Variants in GOSR1 observed in about 807,000 individuals in gnomAD.
GOSR1 encodes 28 kDa Golgi SNARE protein.
GOSR1 carries 21 observed loss-of-function variants against 35.5 expected under a neutral mutation model. That is an observed-to-expected ratio of 0.59 (90% CI 0.42 to 0.85). The LOEUF (loss-of-function observed/expected upper bound fraction) is 0.85, where lower values mean the gene tolerates loss of function less well. GOSR1 is among the 40% of genes least tolerant of loss of function. The pLI is 0.00. For missense variants in GOSR1, 285 were observed against 309.6 expected (o/e 0.92, Z 0.60); for synonymous variants, 94 against 106.6 (o/e 0.88, Z 0.73).
At position 30,490,052 on chromosome 17, in the gene GOSR1, C is replaced by T. The variant is rs1266749420; in HGVS notation, c.343-74C>T. On this transcript the variant is annotated intron_variant, in intron 4 of 8. Coordinates refer to ENST00000451249, the MANE Select transcript of GOSR1 (RefSeq NM_001007025.2). ...TCTTGACAAATTTACAGTGTGATGA[C>T]GATACATAACTGGTTCAGTGAGATG... 8.0e-5 allele frequency: 56 copies of T among 699,332 alleles called. 2 individuals carry two copies. Among genetic ancestry groups the T allele is most frequent in the Non-Finnish European group, 1.2e-4 (44 of 381,726 alleles). The allele number at this position is 699,332 out of a possible 1,614,324, so 43.3% of individuals were successfully genotyped here.
chr17:30,484,297 C>A lies in GOSR1; in HGVS notation c.230C>A (p.Ala77Glu). The change falls in exon 3 of 9, where the codon GCA becomes GAA. Residue 77 changes from alanine to glutamate, a missense_variant. By Grantham distance (107) the Ala-to-Glu change is moderately radical. This residue lies in a region of GOSR1 where 108 missense variants were observed against 98.9 expected (regional missense o/e 1.09). Coordinates refer to ENST00000451249, the MANE Select transcript of GOSR1 (RefSeq NM_001007025.2). ...TMAIEIEQLL[A>E]RLTGVNDKMA... ...GCGATTGAGATTGAACAACTTTTGG[C>A]AAGGGTAAGTGCTTTCTGTTAAATG... 6.3e-7 allele frequency: 1 copy of A among 1,587,496 alleles called. No individual in the cohort carries two copies. The highest frequency in any genetic ancestry group is 8.7e-7 in the Non-Finnish European group (1 of 1,155,798).
chr17:30,520,117 G>A, intron 8 of GOSR1, 96 bp downstream of exon 8: 1 of 753,742 alleles, frequency 1.3e-6, no homozygotes, highest in Non-Finnish European at 2.4e-6. Flanking sequence ...ATCATCAGTA[G>A]CAGTAGAGCC....
At chr17:30,489,877 A>G (rs1282972597) in intron 4 of GOSR1, among the ~76,000 whole-genome samples, 1 of 152,176 alleles carries the variant, frequency 6.6e-6, no homozygotes, top group Non-Finnish European at 1.5e-5. Flanking sequence ...CGTAAGACAG[A>G]GTACTAGGAG....
intron 6 of GOSR1, among the ~76,000 whole-genome samples, chr17:30,496,095 C>T (rs1966987656): frequency 6.6e-6 from 1 of 152,118 alleles, no homozygotes; most frequent in Non-Finnish European, 1.5e-5. Context: ...ATAAATTGAC[C>T]TATAGGAGTA....
At chr17:30,487,052 G>C (rs1329057396) in intron 4 of GOSR1, among the ~76,000 whole-genome samples, 1 of 152,028 alleles carries the variant, frequency 6.6e-6, no homozygotes, top group African/African-American at 2.4e-5. Flanking sequence ...AGTTCTACCA[G>C]ATCTTAAAAC....
rs1968078784 is a variant in GOSR1, at chr17:30,522,611, G to C, written c.*233G>C. On this transcript the variant is annotated 3_prime_UTR_variant, in exon 9 of 9. Coordinates refer to ENST00000451249, the MANE Select transcript of GOSR1 (RefSeq NM_001007025.2). Reference sequence around the variant, plus strand: ...TTTTAATTAAAAAAAAAAAAAAAAGGTTTTCAGTTGCTTTTGTCTCCCTAG... The same window carrying C: ...TTTTAATTAAAAAAAAAAAAAAAAGCTTTTCAGTTGCTTTTGTCTCCCTAG... 3.4e-6 allele frequency: 1 copy of C among 296,302 alleles called. No homozygotes were observed. Among genetic ancestry groups the C allele is most frequent in the Non-Finnish European group, 6.1e-6 (1 of 163,432 alleles). The allele number at this position is 296,302 out of a possible 1,614,324, so 18.4% of individuals were successfully genotyped here.
chr17:30,484,641 T>A, intron 3 of GOSR1, 22 bp from the exon 4 acceptor site: 5 of 1,152,794 alleles, frequency 4.3e-6, no homozygotes, highest in Non-Finnish European at 5.9e-6. Context: ...ATTTTGATTG[T>A]TTTTTTTTTC....
chr17:30,481,239 G>C lies in GOSR1; in HGVS notation c.128G>C (p.Arg43Pro). ...LCTSYSHSST[R>P]DGRRDSSDTT... ...ACAAGTTACAGTCATAGCAGTACCCGAGATGGAAGACGCGACAGGTATAGG... is the reference window on the plus strand; with the variant it reads ...ACAAGTTACAGTCATAGCAGTACCCCAGATGGAAGACGCGACAGGTATAGG... The change falls in exon 2 of 9, where the codon CGA (arginine) becomes CCA (proline). Residue 43 changes from arginine to proline, a missense_variant. Arg to Pro is a moderately radical substitution (Grantham distance 103, BLOSUM62 -2). Transcript: ENST00000451249. The C allele has an allele frequency of 6.2e-7, 1 of 1,607,662 alleles. No individual in the cohort carries two copies. Among genetic ancestry groups the C allele is most frequent in the East Asian group, 2.2e-5 (1 of 44,830 alleles).
chr17:30,483,392 A>G (rs1025456275), intron 2 of GOSR1, among the ~76,000 whole-genome samples: 2 of 152,206 alleles, frequency 1.3e-5, no homozygotes, highest in African/African-American at 4.8e-5. Context: ...GCTGTATACT[A>G]GGTGCTAGGC....
chr17:30,517,688 C>T (rs1289823369), intron 7 of GOSR1, among the ~76,000 whole-genome samples: 1 of 151,830 alleles, frequency 6.6e-6, no homozygotes, highest in Non-Finnish European at 1.5e-5. Context: ...GTTGCTTATC[C>T]AAAATACTTG....
intron 4 of GOSR1, among the ~76,000 whole-genome samples, chr17:30,485,742 C>T (rs1914640408): frequency 6.6e-6 from 1 of 152,124 alleles, no homozygotes; most frequent in Non-Finnish European, 1.5e-5. Flanking sequence ...GAATAGATGG[C>T]CGGGCGCAGT....
chr17:30,489,812 CCTAGA>C (rs1023495037), intron 4 of GOSR1, among the ~76,000 whole-genome samples: 2 of 152,078 alleles, frequency 1.3e-5, no homozygotes, highest in Non-Finnish European at 2.9e-5. Context: ...CAAGTTTTCT[CCTAGA>C]CTATTTGAAG....
At position 30,492,737 on chromosome 17, in the gene GOSR1, C is replaced by T; in HGVS notation, c.493C>T (p.His165Tyr). ...NRRTELFLKE[H>Y]DHLRNSDRLI... ...AAGAACTGAGCTATTTTTGAAAGAA[C>T]ATGACCACCTTCGAAAGTAGGTATT... Residue 165 changes from histidine (H) to tyrosine (Y), a missense_variant, in exon 6 of 9, where the codon CAT becomes TAT. His to Tyr is a moderately conservative substitution (Grantham distance 83). Around this residue, in one of 3 missense-constraint regions of GOSR1, gnomAD observed 168 missense variants for 183.2 expected, o/e 0.92. Transcript: ENST00000451249. 6.3e-7 allele frequency: 1 copy of T among 1,592,150 alleles called. No homozygotes were observed. Among genetic ancestry groups the T allele is most frequent in the Non-Finnish European group, 8.6e-7 (1 of 1,160,210 alleles).
At chr17:30,498,075 T>A (rs936810476) in intron 6 of GOSR1, among the ~76,000 whole-genome samples, 3 of 130,192 alleles carry the variant, frequency 2.3e-5, no homozygotes, top group Non-Finnish European at 5.0e-5. Flanking sequence ...AAAAAAAAAA[T>A]CAATTTATTT....
intron 6 of GOSR1, among the ~76,000 whole-genome samples, chr17:30,499,085 T>C (rs2143761323): frequency 6.6e-6 from 1 of 152,308 alleles, no homozygotes; most frequent in Admixed American, 6.5e-5. Context: ...TTTTCCAGAA[T>C]TTTATACAAA....
intron 4 of GOSR1, chr17:30,485,051 A>G (rs1482543858): frequency 4.6e-6 from 2 of 438,132 alleles, no homozygotes; most frequent in Non-Finnish European, 8.5e-6. Context: ...AGCTAGCTGT[A>G]ACAGTGAAAT....
chr17:30,502,428 G>A (rs1167708782), intron 6 of GOSR1, among the ~76,000 whole-genome samples: 1 of 152,218 alleles, frequency 6.6e-6, no homozygotes, highest in Non-Finnish European at 1.5e-5. Context: ...GAGAACGGGT[G>A]TATAGTGTGT....
intron 7 of GOSR1, among the ~76,000 whole-genome samples, chr17:30,515,099 T>C (rs2143883714): frequency 6.6e-6 from 1 of 152,276 alleles, no homozygotes; most frequent in Non-Finnish European, 1.5e-5. Flanking sequence ...TAGTGATTAT[T>C]GGCTGTTCCT....
chr17:30,487,924 C>T (rs566178958), intron 4 of GOSR1, among the ~76,000 whole-genome samples: 5 of 152,072 alleles, frequency 3.3e-5, no homozygotes, highest in South Asian at 4.1e-4. Context: ...TACAGGTGTG[C>T]GCCACCACGC....
Sources: gnomAD v4.1 joint callset for allele counts (sites outside exome capture counted in the v4.1 genomes callset) on GRCh38, gnomAD v4.1.1 for gene constraint, gnomAD v4.1.1 regional missense constraint, MANE v1.5 for transcripts, NCBI Gene and HGNC (gene_info 2026-07-23, HGNC 2026-07-21) for gene names.